The following PAX5 variants were observed in gnomAD, a reference collection of about 807,000 sequenced individuals.
The protein encoded by PAX5 is paired box 5.
A neutral mutation model predicts 43.7 loss-of-function variants in PAX5; 9 were observed. That is an observed-to-expected ratio of 0.21 (90% CI 0.12 to 0.36). The LOEUF is 0.36. Ranked by LOEUF, PAX5 falls within the 10% of genes least tolerant of loss-of-function variation. PAX5 has a pLI of 1.00. For synonymous variants in PAX5, 228 were observed against 214.3 expected, an observed-to-expected ratio of 1.06 and a Z score of -0.56; for missense variants, 383 against 532.7, an observed-to-expected ratio of 0.72 and a Z score of 2.77.
rs375051266 is a variant in PAX5, at chr9:36,881,986, C to T, written c.1012+18G>A. On this transcript the variant is annotated intron_variant, in intron 8 of 9. Transcript: ENST00000358127. ...CCGTCCGCTGCCTGCTGTGGAGACG[C>T]CGACAGTGCAAACTCACCAGGCACC... 3.1e-5 allele frequency: 49 copies of T among 1,591,846 alleles called. No homozygotes were observed. The highest frequency in any genetic ancestry group is 4.2e-5 in the Non-Finnish European group (49 of 1,166,412).
At chr9:36,999,904 T>C (rs7047835) in intron 5 of PAX5, among the ~76,000 whole-genome samples, 132,435 of 151,960 alleles carry the variant, frequency 0.87, 58,394 homozygotes, top group Non-Finnish European at 0.94. Flanking sequence ...TTCCCCATAC[T>C]GGCCCCAGGC....
intron 5 of PAX5, among the ~76,000 whole-genome samples, chr9:36,980,998 T>C (rs2988014): frequency 0.49 from 73,691 of 151,766 alleles, 18,328 homozygotes; most frequent in East Asian, 0.67. Context: ...ATTCTGCTCC[T>C]GCCACACTCG....
At chr9:36,896,764 A>G (rs1827905282) in intron 7 of PAX5, among the ~76,000 whole-genome samples, 1 of 152,206 alleles carries the variant, frequency 6.6e-6, no homozygotes, top group Non-Finnish European at 1.5e-5. Context: ...CTCATGGGTA[A>G]TCAGAGCCCC....
chr9:36,918,449 G>T (rs1829883263), intron 7 of PAX5, among the ~76,000 whole-genome samples: 1 of 152,106 alleles, frequency 6.6e-6, no homozygotes, highest in Non-Finnish European at 1.5e-5. Flanking sequence ...GATTGCTTGA[G>T]CCTAGGAGTT....
rs915338028 is a variant in PAX5, at chr9:37,015,792, C to T, written c.213-598G>A. 6.6e-6 allele frequency among the ~76,000 whole-genome samples: 1 copy of T among 152,092 alleles called. No individual in the cohort carries two copies. Among genetic ancestry groups the T allele is most frequent in the Non-Finnish European group, 1.5e-5 (1 of 68,026 alleles). Reference sequence around the variant, plus strand: ...CGGGGGTTTCACCATGTTAGTCAGGCTGGTCTCGAACTCCCGACCTCAGGT... The same window carrying T: ...CGGGGGTTTCACCATGTTAGTCAGGTTGGTCTCGAACTCCCGACCTCAGGT... On this transcript the variant is annotated intron_variant, in intron 2 of 9. Coordinates refer to ENST00000358127, the MANE Select transcript of PAX5 (RefSeq NM_016734.3). This position sits in a 1 kb window ranked among gnomAD's most constrained non-coding sequence, Gnocchi z 4.4.
rs538338355 is a variant in PAX5 at position 36,981,193 on chromosome 9, C to A, written c.605-14469G>T. ...CCTCCAAAAACAGCAAAGCCCCCCCCCCCTCAGCCCTGCTTCATTCCCTGT... is the reference window on the plus strand; with the variant it reads ...CCTCCAAAAACAGCAAAGCCCCCCCACCCTCAGCCCTGCTTCATTCCCTGT... On this transcript the variant is annotated intron_variant, in intron 5 of 9. Coordinates refer to ENST00000358127, the MANE Select transcript of PAX5 (RefSeq NM_016734.3). 2.3e-4 allele frequency among the ~76,000 whole-genome samples: 35 copies of A among 150,056 alleles called. No homozygotes were observed. In the East Asian group the frequency reaches 2.4e-3, roughly 10 times the overall value.
At chr9:37,021,926 C>A (rs1315485343) in intron 1 of PAX5, among the ~76,000 whole-genome samples, 1 of 152,110 alleles carries the variant, frequency 6.6e-6, no homozygotes, top group Non-Finnish European at 1.5e-5. Context: ...AGGACTGGAC[C>A]GTACAAGGGA....
intron 5 of PAX5, among the ~76,000 whole-genome samples, chr9:36,984,323 G>A (rs1176916051): frequency 6.6e-6 from 1 of 151,994 alleles, no homozygotes; most frequent in African/African-American, 2.4e-5. Context: ...TGCTGCCTCT[G>A]CCAACTAGTA....
intron 6 of PAX5, among the ~76,000 whole-genome samples, chr9:36,925,860 C>T (rs1243144951): frequency 2.0e-5 from 3 of 152,196 alleles, no homozygotes; most frequent in Non-Finnish European, 2.9e-5. Flanking sequence ...GTGCCTCCTC[C>T]TCCAAGAAGT....
At chr9:36,861,473 G>A (rs1402440486) in intron 8 of PAX5, 2 of 150,170 alleles carry the variant, frequency 1.3e-5, no homozygotes, top group Non-Finnish European at 3.0e-5. Context: ...GGGTGCTAAA[G>A]AGAAAACATG....
intron 3 of PAX5, 80 bp downstream of exon 3, chr9:37,014,917 C>T: frequency 7.6e-7 from 1 of 1,319,062 alleles, no homozygotes; most frequent in Non-Finnish European, 1.1e-6. Flanking sequence ...ACCAGATCTT[C>T]AGGAAAGGCA....
intron 8 of PAX5, among the ~76,000 whole-genome samples, chr9:36,869,069 C>T (rs1013821430): frequency 1.6e-4 from 25 of 152,170 alleles, no homozygotes; most frequent in African/African-American, 6.0e-4. Flanking sequence ...CTGAGGGCTT[C>T]GGACACTGCC....
At chr9:36,987,738 G>A (rs1201146474) in intron 5 of PAX5, among the ~76,000 whole-genome samples, 1 of 152,216 alleles carries the variant, frequency 6.6e-6, no homozygotes, top group Non-Finnish European at 1.5e-5. Context: ...GGGGAAAGGG[G>A]CTCCCACGAA....
intron 8 of PAX5, among the ~76,000 whole-genome samples, chr9:36,859,209 C>T (rs1285190117): frequency 6.6e-6 from 1 of 152,146 alleles, no homozygotes; most frequent in African/African-American, 2.4e-5. Context: ...ATGAATCAGA[C>T]ACGGTCCCTG....
At chr9:36,927,550 T>C (rs571423026) in intron 6 of PAX5, among the ~76,000 whole-genome samples, 4 of 152,306 alleles carry the variant, frequency 2.6e-5, no homozygotes, top group Admixed American at 1.3e-4. Context: ...CAACTTATGT[T>C]ATACATGCAG....
chr9:37,023,326 T>A (rs905301319), intron 1 of PAX5, among the ~76,000 whole-genome samples: 3 of 152,088 alleles, frequency 2.0e-5, no homozygotes, highest in Non-Finnish European at 2.9e-5. Flanking sequence ...CAGAGGACCT[T>A]TGTTTTCTGG....
intron 5 of PAX5, among the ~76,000 whole-genome samples, chr9:36,970,323 C>T (rs1052657904): frequency 2.0e-5 from 3 of 151,832 alleles, no homozygotes; most frequent in East Asian, 1.9e-4. Flanking sequence ...AGGAGATGCT[C>T]GTACAAAGGC....
At chr9:36,886,939 C>T (rs938655054) in intron 7 of PAX5, among the ~76,000 whole-genome samples, 2 of 152,136 alleles carry the variant, frequency 1.3e-5, no homozygotes, top group Non-Finnish European at 2.9e-5. Context: ...AACACAAAGG[C>T]CACTCCTCCA....
chr9:36,856,351 TGCA>T (rs1823667802), intron 8 of PAX5, among the ~76,000 whole-genome samples: 1 of 152,218 alleles, frequency 6.6e-6, no homozygotes, highest in Non-Finnish European at 1.5e-5. Flanking sequence ...CTGTGTTTAC[TGCA>T]GAAACCACCG....
Sources: gnomAD v4.1 joint callset for allele counts (sites outside exome capture counted in the v4.1 genomes callset) on GRCh38, gnomAD v4.1.1 for gene constraint, Gnocchi (gnomAD v3.1) non-coding constraint, MANE v1.5 for transcripts, NCBI Gene and HGNC (gene_info 2026-07-23, HGNC 2026-07-21) for gene names.